Variants in FANCM observed in about 807,000 individuals in gnomAD.
FANCM encodes Fanconi anemia group M protein.
FANCM carries 140 observed loss-of-function variants against 199.5 expected under a neutral mutation model. The observed-to-expected ratio is 0.70, with a 90% confidence interval of 0.61 to 0.81. FANCM has a LOEUF of 0.81. Ranked by LOEUF, FANCM falls within the 30% of genes least tolerant of loss-of-function variation. The probability of loss-of-function intolerance (pLI) is 0.00; values close to 1 mark genes in which losing one functional copy is unlikely to be tolerated. For missense variants in FANCM, 2,410 were observed against 2,421.4 expected, an observed-to-expected ratio of 1.00 and a Z score of 0.10; for synonymous variants, 840 against 836.8, an observed-to-expected ratio of 1.00 and a Z score of -0.07.
rs976791696 is a variant in FANCM, at chr14:45,157,050, G to A, written c.1396+1591G>A. Among the ~76,000 whole-genome samples, 9 of 151,774 alleles carry A rather than the reference G, an allele frequency of 5.9e-5. No homozygotes were observed. In the East Asian group the frequency reaches 1.7e-3, roughly 29 times the overall value. ...TAGAGATAAGTATGTGAGGTAATAT[G>A]TATGTTAATTAGCTTGATTTAGCCA... On this transcript the variant is annotated intron_variant, in intron 8 of 22. Transcript: ENST00000267430.
intron 13 of FANCM, among the ~76,000 whole-genome samples, 168 bp from the exon 14 acceptor site, chr14:45,174,903 G>A (rs1888563808): frequency 2.0e-5 from 3 of 152,048 alleles, no homozygotes; most frequent in Admixed American, 2.0e-4. Flanking sequence ...TCACAGTAGT[G>A]TACTTTATAA....
intron 8 of FANCM, among the ~76,000 whole-genome samples, chr14:45,158,047 A>G (rs1463554262): frequency 6.6e-6 from 1 of 152,006 alleles, no homozygotes; most frequent in African/African-American, 2.4e-5. Context: ...AAAATTTTAA[A>G]ATGTAGCTGG....
intron 9 of FANCM, among the ~76,000 whole-genome samples, chr14:45,163,389 C>T (rs982396780): frequency 5.9e-5 from 9 of 152,216 alleles, no homozygotes; most frequent in African/African-American, 1.9e-4. Context: ...TTTGATGTTG[C>T]ATTATCTCAC....
rs1886993790 is a variant in FANCM, at chr14:45,153,879, T to C, written c.1051-41T>C. On this transcript the variant is annotated intron_variant, in intron 5 of 22. Transcript: ENST00000267430. The stretch of plus-strand genomic sequence containing the variant: ...CTTGGGCATGGAGCATGTATGTTCA[T>C]TTATTTCTCTGGTTAAATTTGACAT... 7 of 1,568,382 alleles carry C rather than the reference T, an allele frequency of 4.5e-6. No homozygotes were observed. The East Asian group carries it at 1.6e-4, about 35-fold the overall frequency.
intron 11 of FANCM, among the ~76,000 whole-genome samples, chr14:45,167,754 T>A (rs1348343684): frequency 6.6e-6 from 1 of 152,172 alleles, no homozygotes; most frequent in Admixed American, 6.5e-5. Context: ...TGGATTTTAC[T>A]TAATCTCTGA....
At chr14:45,173,401 C>T (rs890241566) in intron 13 of FANCM, among the ~76,000 whole-genome samples, 191 bp downstream of exon 13, 5 of 152,218 alleles carry the variant, frequency 3.3e-5, no homozygotes, top group Admixed American at 1.3e-4. Context: ...AGAATATCAT[C>T]TGTAAATATT....
intron 3 of FANCM, among the ~76,000 whole-genome samples, chr14:45,147,570 T>G (rs1377429446): frequency 6.6e-6 from 1 of 152,086 alleles, no homozygotes; most frequent in African/African-American, 2.4e-5. Flanking sequence ...CCCTTAGGCG[T>G]GAGCTGCTGC....
chr14:45,151,641 G>A, intron 5 of FANCM, 113 bp downstream of exon 5: 1 of 981,138 alleles, frequency 1.0e-6, no homozygotes, highest in Non-Finnish European at 1.6e-6. Context: ...ATTGAAAAAT[G>A]AGGCCGAACA....
At chr14:45,145,537 G>C (rs924918910) in intron 3 of FANCM, among the ~76,000 whole-genome samples, 2 of 152,168 alleles carry the variant, frequency 1.3e-5, no homozygotes, top group African/African-American at 4.8e-5. Context: ...CAGTCTCCCA[G>C]AAACTGCACT....
rs201423656 is a variant in FANCM, at chr14:45,144,844, GCTGGTAC to G, written c.760-3989_760-3983del. On this transcript the variant is annotated intron_variant, in intron 3 of 22. Coordinates refer to ENST00000267430, the MANE Select transcript of FANCM (RefSeq NM_020937.4). ...TGTTGCCCTTCCCCACTGTGGCTGA[GCTGGTAC>G]CTGAGGTGTAAGACAAAGTCTCCTT... Among the ~76,000 whole-genome samples, 642 of 152,266 alleles carry G rather than the reference GCTGGTAC, an allele frequency of 4.2e-3. 4 individuals are homozygous for G. The highest frequency in any genetic ancestry group is 0.015 in the African/African-American group (610 of 41,550).
intron 3 of FANCM, among the ~76,000 whole-genome samples, chr14:45,143,171 CTT>C (rs58148802): frequency 4.1e-4 from 58 of 140,330 alleles, no homozygotes; most frequent in East Asian, 1.0e-3. Flanking sequence ...TAGACATGCA[CTT>C]TTTTTTTTTT....
intron 6 of FANCM, 150 bp from the exon 7 acceptor site, chr14:45,154,547 A>G (rs1887048047): frequency 3.7e-6 from 2 of 541,862 alleles, no homozygotes; most frequent in Admixed American, 6.9e-5. Flanking sequence ...TAATACATAT[A>G]TGAATGTAGA....
chr14:45,141,181 A>T (rs1269717383), intron 3 of FANCM, among the ~76,000 whole-genome samples: 1 of 150,706 alleles, frequency 6.6e-6, no homozygotes. Flanking sequence ...CCAGCTACTC[A>T]GGAGGCTGAG....
At chr14:45,153,645 T>C (rs1886974131) in intron 5 of FANCM, among the ~76,000 whole-genome samples, 1 of 152,204 alleles carries the variant, frequency 6.6e-6, no homozygotes, top group Non-Finnish European at 1.5e-5. Flanking sequence ...TTCCTTTACT[T>C]ATTATTTTTA....
chr14:45,195,354 C>A, intron 20 of FANCM: 4 of 340,860 alleles, frequency 1.2e-5, no homozygotes, highest in South Asian at 7.1e-5. Context: ...TATGTAGATA[C>A]CAATTCGAGA....
chr14:45,175,068 T>C lies in FANCM; in HGVS notation c.2317-3T>C. 6.3e-7 allele frequency: 1 copy of C among 1,594,346 alleles called. No individual in the cohort carries two copies. The highest frequency in any genetic ancestry group is 1.1e-5 in the South Asian group (1 of 90,182). On this transcript the variant is annotated splice_polypyrimidine_tract_variant and splice_region_variant and intron_variant, in intron 13 of 22. Coordinates refer to ENST00000267430, the MANE Select transcript of FANCM (RefSeq NM_020937.4). ...TGGCTTTTTAAATTTTCCTTATTTATAGGGAGAATGCAGCTATGAATTGGA... is the reference window on the plus strand; with the variant it reads ...TGGCTTTTTAAATTTTCCTTATTTACAGGGAGAATGCAGCTATGAATTGGA...
chr14:45,139,886 A>G (rs1885786305), intron 2 of FANCM, among the ~76,000 whole-genome samples: 1 of 152,044 alleles, frequency 6.6e-6, no homozygotes, highest in Admixed American at 6.6e-5. Context: ...TTGGGAGGCC[A>G]AGGCAGGAGG....
chr14:45,168,550 T>C (rs1426176588), intron 11 of FANCM, among the ~76,000 whole-genome samples: 1 of 151,188 alleles, frequency 6.6e-6, no homozygotes, highest in Non-Finnish European at 1.5e-5. Context: ...GAGATAATGT[T>C]AACTTATGTT....
chr14:45,142,503 T>C (rs1886047906), intron 3 of FANCM, among the ~76,000 whole-genome samples: 1 of 151,924 alleles, frequency 6.6e-6, no homozygotes, highest in Non-Finnish European at 1.5e-5. Context: ...AGACAAGGTT[T>C]CACTATGTTG....
Sources: allele counts gnomAD v4.1 joint callset (sites outside exome capture counted in the v4.1 genomes callset), GRCh38; gene constraint gnomAD v4.1.1; transcripts MANE v1.5; gene names NCBI Gene and HGNC (gene_info 2026-07-23, HGNC 2026-07-21).